ZNF614: variants seen among roughly 807,000 people sequenced by gnomAD.
ZNF614 encodes zinc finger protein 614.
A neutral mutation model predicts 12.8 loss-of-function variants in ZNF614; 11 were observed. The ratio of observed to expected loss-of-function variants is 0.86; its 90% CI spans 0.54 to 1.43. The LOEUF is 1.43. ZNF614 is among the 40% of genes most tolerant of loss of function. ZNF614 has a pLI of 0.00. For missense variants in ZNF614, 664 were observed against 708.8 expected (o/e 0.94, Z 0.72); for synonymous variants, 237 against 237.5 (o/e 1.00, Z 0.02).
intron 2 of ZNF614, among the ~76,000 whole-genome samples, chr19:52,023,787 T>G (rs1433280257): frequency 6.6e-6 from 1 of 152,180 alleles, no homozygotes; most frequent in African/African-American, 2.4e-5. Context: ...TTGGAATTGC[T>G]GAAGTGTCTT....
At chr19:52,024,281 G>A (rs1197318051) in intron 2 of ZNF614, among the ~76,000 whole-genome samples, 1 of 152,200 alleles carries the variant, frequency 6.6e-6, no homozygotes, top group East Asian at 1.9e-4. Context: ...CCAATTGGTA[G>A]CCAAGTCCAA....
Position 52,017,221 on chromosome 19 carries a change from T to C in ZNF614, c.377A>G (p.Asn126Ser), listed in dbSNP as rs746044528. 3.1e-6 allele frequency: 5 copies of C among 1,614,170 alleles called. No homozygotes were observed. The East Asian group carries it at 1.1e-4, about 36-fold the overall frequency. The change falls in exon 5 of 5, where the codon AAT becomes AGT. Residue 126 changes from asparagine (N) to serine (S), a missense_variant. By Grantham distance (46) the Asn-to-Ser change is conservative (BLOSUM62 1). Coordinates refer to ENST00000270649, the MANE Select transcript of ZNF614 (RefSeq NM_025040.4). ...LSKTHFPIVQ[N>S]HDTFDLYRKN... is the part of the protein sequence containing the mutation. ...TCTGTACAAGTCAAATGTATCATGA[T>C]TTTGCACTATAGGAAAATGTGTCTT...
Position 52,016,049 on chromosome 19 carries a change from C to T in ZNF614, c.1549G>A (p.Gly517Arg), listed in dbSNP as rs369319461. Residue 517 changes from glycine (G) to arginine (R), a missense_variant, in exon 5 of 5, where the codon GGA (glycine) becomes AGA (arginine). Coordinates refer to ENST00000270649, the MANE Select transcript of ZNF614 (RefSeq NM_025040.4). ...ACTGACTTTGTGGTGAAGGCTTTTC[C>T]ACATTCATTGCACTCATAAGGTTTC... is the stretch of plus-strand genomic sequence containing the variant. ...GEKPYECNEC[G>R]KAFTTKSVLN... is the part of the protein sequence containing the mutation. 125 of 1,614,160 alleles carry T rather than the reference C, an allele frequency of 7.7e-5. No homozygotes were observed. In the Middle Eastern group the frequency reaches 8.2e-4, roughly 11 times the overall value.
chr19:52,016,195 A>C lies in ZNF614; in HGVS notation c.1403T>G (p.Ile468Arg). The C allele has an allele frequency of 6.2e-7, 1 of 1,613,870 alleles. No homozygotes were observed. The highest frequency in any genetic ancestry group is 8.5e-7 in the Non-Finnish European group (1 of 1,179,904). The change falls in exon 5 of 5, where the codon ATA becomes AGA. Residue 468 changes from isoleucine to arginine, a missense_variant. Physicochemically the swap from Ile to Arg is moderately conservative, Grantham distance 97. Coordinates refer to ENST00000270649, the MANE Select transcript of ZNF614 (RefSeq NM_025040.4). ...ACATCTCTCATGTTGTATGAGGCAT[A>C]TTTTCTGGCTGAAGGCTTTACCACA... is the stretch of plus-strand genomic sequence containing the variant. ...NECGKAFSQK[I>R]CLIQHERCHT...
chr19:52,027,306 G>T (rs1005620463), intron 1 of ZNF614, among the ~76,000 whole-genome samples: 1 of 152,292 alleles, frequency 6.6e-6, no homozygotes. Flanking sequence ...CTCGTGTCAA[G>T]ACCAATGTAC....
intron 4 of ZNF614, 23 bp downstream of exon 4, chr19:52,017,985 T>A: frequency 6.3e-7 from 1 of 1,587,978 alleles, no homozygotes; most frequent in Non-Finnish European, 8.6e-7. Flanking sequence ...CTATAGCCAC[T>A]GTCCTTGCTG....
chr19:52,020,498 T>C (rs558807988), intron 2 of ZNF614, among the ~76,000 whole-genome samples: 1 of 152,196 alleles, frequency 6.6e-6, no homozygotes. Flanking sequence ...CTACATTGTG[T>C]AACAATATTC....
In ZNF614 at chr19:52,016,894, C is replaced by G. The variant is rs1397019771; in HGVS notation, c.704G>C (p.Gly235Ala). Reference sequence around the variant, plus strand: ...ACTTCTGGATAATTTCTCACATTGACCACTTCCAGGATTCTCTTGTATACA... The same window carrying G: ...ACTTCTGGATAATTTCTCACATTGAGCACTTCCAGGATTCTCTTGTATACA... ...NICIQENPGS[G>A]QCEKLSRSVL... The change falls in exon 5 of 5, where the codon GGT (glycine) becomes GCT (alanine). Residue 235 changes from glycine (G) to alanine (A), a missense_variant. By Grantham distance (60) the Gly-to-Ala change is moderately conservative. Transcript: ENST00000270649. 2.5e-6 allele frequency: 4 copies of G among 1,614,116 alleles called. No homozygotes were observed. Among genetic ancestry groups the G allele is most frequent in the Non-Finnish European group, 3.4e-6 (4 of 1,180,030 alleles).
At position 52,018,089 on chromosome 19, in the gene ZNF614, T is replaced by G; in HGVS notation, c.157A>C (p.Lys53Gln). 6.2e-7 allele frequency: 1 copy of G among 1,614,114 alleles called. No homozygotes were observed. The highest frequency in any genetic ancestry group is 8.5e-7 in the Non-Finnish European group (1 of 1,179,986). ...HLVSLGYQTS[K>Q]PDVLSKLAHG... is the part of the protein sequence containing the mutation. The stretch of plus-strand genomic sequence containing the variant: ...GCCAACTTGGAGAGTACATCTGGTT[T>G]GCTAGTTTGATACCCTGTTCATGAG... The change falls in exon 4 of 5, where the codon AAA (lysine) becomes CAA (glutamine). Residue 53 changes from lysine (K) to glutamine (Q), a missense_variant. By Grantham distance (53) the Lys-to-Gln change is moderately conservative. Transcript: ENST00000270649.
chr19:52,024,987 T>C (rs2123128646), intron 2 of ZNF614, among the ~76,000 whole-genome samples: 1 of 152,302 alleles, frequency 6.6e-6, no homozygotes, highest in South Asian at 2.1e-4. Context: ...GGCATCTGTC[T>C]CCTGCCAACT....
At chr19:52,026,836 G>A (rs1300545004) in intron 1 of ZNF614, among the ~76,000 whole-genome samples, 3 of 152,202 alleles carry the variant, frequency 2.0e-5, no homozygotes, top group Non-Finnish European at 4.4e-5. Context: ...TTATTGTACC[G>A]AAATGTTTGT....
intron 2 of ZNF614, among the ~76,000 whole-genome samples, chr19:52,023,709 T>C (rs938524974): frequency 2.0e-5 from 3 of 152,222 alleles, no homozygotes; most frequent in African/African-American, 7.2e-5. Context: ...AATATACTTA[T>C]CCGTGTCACT....
chr19:52,016,463 C>A lies in ZNF614; in HGVS notation c.1135G>T (p.Gly379Cys), dbSNP rs756394152. 3.1e-6 allele frequency: 5 copies of A among 1,614,032 alleles called. No individual in the cohort carries two copies. In the Admixed American group the frequency reaches 5.0e-5, roughly 16 times the overall value. The change falls in exon 5 of 5, where the codon GGC becomes TGC. Residue 379 changes from glycine (G) to cysteine (C), a missense_variant. By Grantham distance (159) the Gly-to-Cys change is radical (BLOSUM62 -3). Transcript: ENST00000270649. The part of the protein sequence containing the change: ...KPYMCSECGK[G>C]FTVKSNLIVH... ...ATGAGATTGCTCTTCACGGTAAAGC[C>A]TTTTCCACATTCACTGCACATATAG...
At chr19:52,026,687 A>G (rs1293090267) in intron 1 of ZNF614, among the ~76,000 whole-genome samples, 1 of 152,164 alleles carries the variant, frequency 6.6e-6, no homozygotes, top group Non-Finnish European at 1.5e-5. Context: ...GGTTGAGATA[A>G]GAGAAAGGCA....
At chr19:52,020,011 A>C (rs2086923882) in intron 2 of ZNF614, among the ~76,000 whole-genome samples, 1 of 152,200 alleles carries the variant, frequency 6.6e-6, no homozygotes, top group Non-Finnish European at 1.5e-5. Context: ...GTAAGTGTAA[A>C]GTTAAATTTC....
intron 1 of ZNF614, among the ~76,000 whole-genome samples, chr19:52,026,607 C>T (rs371431262): frequency 5.3e-5 from 8 of 152,254 alleles, no homozygotes; most frequent in South Asian, 2.1e-4. Flanking sequence ...AAGACCTGAC[C>T]GTCCCCTACC....
chr19:52,018,327 A>T (rs1468545181), intron 3 of ZNF614, 41 bp downstream of exon 3: 1 of 1,613,348 alleles, frequency 6.2e-7, no homozygotes, highest in Admixed American at 1.7e-5. Flanking sequence ...GTGTCTGGGC[A>T]TTGTAGGCAC....
intron 1 of ZNF614, among the ~76,000 whole-genome samples, chr19:52,027,625 A>T (rs2086983750): frequency 6.6e-6 from 1 of 152,178 alleles, no homozygotes; most frequent in African/African-American, 2.4e-5. Flanking sequence ...GATATCCAAT[A>T]AAACTCTGGA....
chr19:52,017,186 T>C lies in ZNF614; in HGVS notation c.412A>G (p.Lys138Glu), dbSNP rs756603305. The C allele has an allele frequency of 2.5e-6, 4 of 1,614,198 alleles. No homozygotes were observed. Among genetic ancestry groups the C allele is most frequent in the Non-Finnish European group, 2.5e-6 (3 of 1,180,038 alleles). ...DTFDLYRKNL[K>E]SSLSLINQKR... ...TGGTTGATTAAACTTAAACTTGATT[T>C]CAAATTTTTTCTGTACAAGTCAAAT... Residue 138 changes from lysine to glutamate, a missense_variant, in exon 5 of 5, where the codon AAA becomes GAA. Transcript: ENST00000270649.
Sources: gnomAD v4.1 joint callset for allele counts (sites outside exome capture counted in the v4.1 genomes callset) on GRCh38, gnomAD v4.1.1 for gene constraint, MANE v1.5 for transcripts, NCBI Gene and HGNC (gene_info 2026-07-23, HGNC 2026-07-21) for gene names.